GALNTL6: variants seen among roughly 807,000 people sequenced by gnomAD.
GALNTL6 encodes polypeptide N-acetylgalactosaminyltransferase-like 6.
Under a neutral mutation model 73.7 loss-of-function variants are expected in GALNTL6, and 46 were observed. That is an observed-to-expected ratio of 0.62 (90% CI 0.49 to 0.80). The LOEUF is 0.80. Ranked by LOEUF, GALNTL6 falls within the 30% of genes least tolerant of loss-of-function variation. The probability of loss-of-function intolerance (pLI) is 0.00; values close to 1 mark genes in which losing one functional copy is unlikely to be tolerated. For missense variants in GALNTL6, 604 were observed against 755.0 expected, an observed-to-expected ratio of 0.80 and a Z score of 2.34; for synonymous variants, 259 against 263.7, an observed-to-expected ratio of 0.98 and a Z score of 0.17.
chr4:173,035,256 G>A (rs986736265), intron 12 of GALNTL6, among the ~76,000 whole-genome samples: 9 of 148,246 alleles, frequency 6.1e-5, no homozygotes, highest in Non-Finnish European at 1.2e-4. Flanking sequence ...TCGGCTCACC[G>A]CAACCTCCGC....
intron 2 of GALNTL6, among the ~76,000 whole-genome samples, chr4:171,897,477 T>C (rs1205873731): frequency 2.0e-5 from 3 of 152,120 alleles, no homozygotes; most frequent in African/African-American, 7.2e-5. Context: ...AATGGTTAAA[T>C]GGACTTTATC....
chr4:172,094,158 T>C (rs1732284812), intron 2 of GALNTL6, among the ~76,000 whole-genome samples: 1 of 152,116 alleles, frequency 6.6e-6, no homozygotes. Context: ...TGTAAAACAA[T>C]TTTTCAGTGT....
chr4:172,729,370 A>T (rs896633768), intron 5 of GALNTL6, among the ~76,000 whole-genome samples: 2 of 152,154 alleles, frequency 1.3e-5, no homozygotes, highest in Admixed American at 1.3e-4. Context: ...CTGGTCTTAG[A>T]TTCAAGTTTT....
At chr4:172,192,850 A>AT (rs1299195902) in intron 2 of GALNTL6, among the ~76,000 whole-genome samples, 1 of 152,098 alleles carries the variant, frequency 6.6e-6, no homozygotes, top group Non-Finnish European at 1.5e-5. Context: ...CCAGTCTGCC[A>AT]TTTTCCCTTG....
intron 2 of GALNTL6, among the ~76,000 whole-genome samples, chr4:172,207,508 G>A (rs1336288814): frequency 6.6e-6 from 1 of 152,084 alleles, no homozygotes; most frequent in East Asian, 1.9e-4. Context: ...GTCACTATTT[G>A]GGAAGCCTTT....
chr4:172,772,468 G>T (rs947758243), intron 5 of GALNTL6, among the ~76,000 whole-genome samples: 3 of 152,114 alleles, frequency 2.0e-5, no homozygotes, highest in African/African-American at 4.8e-5. Context: ...AGAAATAAAA[G>T]CAAATATTCC....
intron 3 of GALNTL6, among the ~76,000 whole-genome samples, chr4:172,275,183 A>T (rs1175242824): frequency 6.6e-6 from 1 of 152,190 alleles, no homozygotes; most frequent in Admixed American, 6.6e-5. Context: ...ACCTAAGGAC[A>T]AAAGAAATGT....
chr4:172,566,766 C>T (rs1333424777), intron 5 of GALNTL6, among the ~76,000 whole-genome samples: 3 of 151,480 alleles, frequency 2.0e-5, no homozygotes, highest in Non-Finnish European at 4.4e-5. Context: ...ATAACAAAAT[C>T]AGCAAACCTT....
chr4:172,553,769 AATTTTGGCCGGCCACAGGGATTC>A (rs1400078276), intron 5 of GALNTL6, among the ~76,000 whole-genome samples: 4 of 152,062 alleles, frequency 2.6e-5, no homozygotes, highest in Admixed American at 2.0e-4. Context: ...TTTTGTTAGA[AATTTTGGCCGGCCACAGGGATTC>A]ATGCCTGTAA....
At chr4:172,173,179 C>G (rs1225511564) in intron 2 of GALNTL6, among the ~76,000 whole-genome samples, 2 of 152,202 alleles carry the variant, frequency 1.3e-5, no homozygotes, top group African/African-American at 2.4e-5. Context: ...CTTTCCAAAA[C>G]CTGTGACTGC....
intron 8 of GALNTL6, among the ~76,000 whole-genome samples, chr4:172,918,916 T>G (rs1368465385): frequency 6.6e-6 from 1 of 152,216 alleles, no homozygotes; most frequent in Non-Finnish European, 1.5e-5. Context: ...CAAACACCAT[T>G]ATAAACCTTC....
intron 12 of GALNTL6, among the ~76,000 whole-genome samples, chr4:173,032,809 A>G (rs1364238194): frequency 1.3e-5 from 2 of 151,444 alleles, no homozygotes; most frequent in East Asian, 3.9e-4. Flanking sequence ...CATCTAACAC[A>G]TCAGGATTGA....
chr4:172,147,288 C>G (rs1733952047), intron 2 of GALNTL6, among the ~76,000 whole-genome samples: 1 of 152,130 alleles, frequency 6.6e-6, no homozygotes, highest in Non-Finnish European at 1.5e-5. Context: ...AAAATTCCAG[C>G]ATAAAGGAAC....
chr4:172,027,674 G>C (rs778574369), intron 2 of GALNTL6, among the ~76,000 whole-genome samples: 1 of 152,072 alleles, frequency 6.6e-6, no homozygotes, highest in Non-Finnish European at 1.5e-5. Flanking sequence ...GCTTAGTTGA[G>C]GAAGGCATGT....
intron 2 of GALNTL6, among the ~76,000 whole-genome samples, chr4:172,135,839 T>C (rs1297403428): frequency 2.0e-5 from 3 of 152,100 alleles, no homozygotes; most frequent in Non-Finnish European, 4.4e-5. Context: ...ACCCTAAATA[T>C]CACATTCCTC....
chr4:171,930,997 T>A (rs1204559691), intron 2 of GALNTL6, among the ~76,000 whole-genome samples: 1 of 152,194 alleles, frequency 6.6e-6, no homozygotes, highest in African/African-American at 2.4e-5. Flanking sequence ...AAGTCTTTAG[T>A]GGGAATCTCT....
intron 5 of GALNTL6, among the ~76,000 whole-genome samples, chr4:172,680,640 GT>G (rs1732584287): frequency 2.0e-5 from 3 of 152,060 alleles, no homozygotes; most frequent in Non-Finnish European, 4.4e-5. Context: ...ATATCCTCTA[GT>G]TCTATGATCC....
chr4:173,017,716 C>T (rs1231532163), intron 11 of GALNTL6, among the ~76,000 whole-genome samples: 1 of 152,170 alleles, frequency 6.6e-6, no homozygotes, highest in Non-Finnish European at 1.5e-5. Flanking sequence ...AAATGACAAG[C>T]TAACCATCAG....
chr4:172,516,587 T>C (rs1734614839), intron 5 of GALNTL6, among the ~76,000 whole-genome samples: 1 of 152,166 alleles, frequency 6.6e-6, no homozygotes, highest in Non-Finnish European at 1.5e-5. Context: ...ACCGTATGGG[T>C]GTTCCTTAAA....
Sources: allele counts gnomAD v4.1 joint callset (sites outside exome capture counted in the v4.1 genomes callset), GRCh38; gene constraint gnomAD v4.1.1; transcripts MANE v1.5; gene names NCBI Gene and HGNC (gene_info 2026-07-23, HGNC 2026-07-21).